Variants in TBC1D22A observed in about 807,000 individuals in gnomAD.
The protein encoded by TBC1D22A is putative GTPase activator.
Under a neutral mutation model 60.2 loss-of-function variants are expected in TBC1D22A, and 38 were observed. The observed-to-expected ratio is 0.63, with a 90% CI of 0.49 to 0.83. TBC1D22A has a LOEUF of 0.83. Among genes scored for constraint, TBC1D22A ranks in the 40% least tolerant of loss-of-function variants. The pLI is 0.00. For missense variants in TBC1D22A, 628 were observed against 701.0 expected, an observed-to-expected ratio of 0.90 and a Z score of 1.18; for synonymous variants, 302 against 281.7, an observed-to-expected ratio of 1.07 and a Z score of -0.72.
intron 11 of TBC1D22A, among the ~76,000 whole-genome samples, chr22:47,050,386 A>G (rs1336018406): frequency 6.6e-6 from 1 of 152,262 alleles, no homozygotes; most frequent in East Asian, 1.9e-4. Context: ...AGCAGTAGAC[A>G]GAAACACCCT....
intron 1 of TBC1D22A, 127 bp downstream of exon 1, chr22:46,762,975 G>A: frequency 1.1e-6 from 1 of 881,748 alleles, no homozygotes; most frequent in Non-Finnish European, 1.6e-6. Context: ...GAGACTGCTG[G>A]ATGGTGTGAC....
intron 8 of TBC1D22A, among the ~76,000 whole-genome samples, chr22:46,924,991 C>T (rs1157009276): frequency 6.6e-6 from 1 of 152,142 alleles, no homozygotes; most frequent in Admixed American, 6.5e-5. Flanking sequence ...GCAGCATAGT[C>T]ATTCTTTTGC....
intron 1 of TBC1D22A, among the ~76,000 whole-genome samples, chr22:46,771,406 G>A (rs568776450): frequency 1.6e-4 from 24 of 152,110 alleles, no homozygotes; most frequent in African/African-American, 4.6e-4. Flanking sequence ...TTCTTTAGTG[G>A]TGATTTGTGA....
At chr22:46,774,379 C>T (rs766371365) in intron 1 of TBC1D22A, 99 of 471,842 alleles carry the variant, frequency 2.1e-4, no homozygotes, top group Middle Eastern at 2.1e-3. Flanking sequence ...TTTGAGTATC[C>T]CCAGACTTTT....
chr22:46,966,435 C>T (rs1390084359), intron 8 of TBC1D22A, among the ~76,000 whole-genome samples: 1 of 152,224 alleles, frequency 6.6e-6, no homozygotes, highest in African/African-American at 2.4e-5. Context: ...TTCTTTGTTT[C>T]GTCCTCGCTT....
At chr22:47,151,569 TC>T (rs1405820772) in intron 12 of TBC1D22A, among the ~76,000 whole-genome samples, 3 of 152,188 alleles carry the variant, frequency 2.0e-5, no homozygotes, top group African/African-American at 7.2e-5. Flanking sequence ...GTACCTGGGC[TC>T]CCTCGTGGCC....
chr22:46,974,850 C>T lies in TBC1D22A; in HGVS notation c.1125+451C>T, dbSNP rs545523219. Among the ~76,000 whole-genome samples, 8 of 152,328 alleles carry T rather than the reference C, an allele frequency of 5.3e-5. No individual in the cohort carries two copies. In the South Asian group the frequency reaches 1.0e-3, roughly 20 times the overall value. On this transcript the variant is annotated intron_variant, in intron 9 of 12. Transcript: ENST00000337137. ...TGGCCAGGGCTCCAGGTGCGTGGGG[C>T]GCTGCAGCTGTGCCTGCTCCCAGAG...
At chr22:47,050,166 G>A (rs550915197) in intron 11 of TBC1D22A, among the ~76,000 whole-genome samples, 1 of 152,334 alleles carries the variant, frequency 6.6e-6, no homozygotes, top group East Asian at 1.9e-4. Flanking sequence ...ACCACGCCTG[G>A]CTAATTTTTG....
intron 12 of TBC1D22A, among the ~76,000 whole-genome samples, chr22:47,170,778 C>T (rs2068408351): frequency 7.7e-6 from 1 of 129,118 alleles, no homozygotes; most frequent in Non-Finnish European, 1.6e-5. Flanking sequence ...GGAGAGAGGA[C>T]AGTCCTGGTG....
chr22:47,068,582 A>G (rs1361452662), intron 11 of TBC1D22A, among the ~76,000 whole-genome samples: 1 of 152,228 alleles, frequency 6.6e-6, no homozygotes, highest in East Asian at 1.9e-4. Context: ...ATATTTAAAT[A>G]CCTGTAATTT....
At chr22:46,905,219 A>G (rs746440987) in intron 7 of TBC1D22A, among the ~76,000 whole-genome samples, 27 of 152,266 alleles carry the variant, frequency 1.8e-4, no homozygotes, top group African/African-American at 6.5e-4. Context: ...TGCCATTTCA[A>G]AACACCAGCA....
chr22:47,085,040 G>A (rs1486343408), intron 11 of TBC1D22A, among the ~76,000 whole-genome samples: 2 of 152,216 alleles, frequency 1.3e-5, no homozygotes, highest in Admixed American at 6.5e-5. Flanking sequence ...AGCACTTTGG[G>A]AGGCTAAGGC....
chr22:47,084,710 A>C (rs1221522266), intron 11 of TBC1D22A, among the ~76,000 whole-genome samples: 2 of 152,224 alleles, frequency 1.3e-5, no homozygotes, highest in Non-Finnish European at 2.9e-5. Context: ...AAGTAATGTG[A>C]ATGTATGAAA....
chr22:46,880,843 C>T (rs1160678288), intron 5 of TBC1D22A, among the ~76,000 whole-genome samples: 1 of 152,110 alleles, frequency 6.6e-6, no homozygotes, highest in Non-Finnish European at 1.5e-5. Context: ...GTTCTTGGCC[C>T]TCTCAGGGCT....
At position 47,046,450 on chromosome 22, in the gene TBC1D22A, G is replaced by GGGGAGCGCCCA. The variant is rs2063036196; in HGVS notation, c.1329+9257_1329+9267dup. Among the ~76,000 whole-genome samples the GGGGAGCGCCCA allele has an allele frequency of 3.3e-5, 5 of 152,294 alleles. No homozygotes were observed. In the South Asian group the frequency reaches 1.0e-3, roughly 32 times the overall value. ...TAGCGACTGGTTGGGATTTGTGCTG[G>GGGGAGCGCCCA]GGGAGCGCCCAGGGACACCCTTTGA... On this transcript the variant is annotated intron_variant, in intron 11 of 12. Coordinates refer to ENST00000337137, the MANE Select transcript of TBC1D22A (RefSeq NM_014346.5).
chr22:47,109,540 T>C (rs957288414), intron 11 of TBC1D22A, among the ~76,000 whole-genome samples: 3 of 152,150 alleles, frequency 2.0e-5, no homozygotes, highest in African/African-American at 7.2e-5. Context: ...CACTAGCCAC[T>C]CTCTGGGCTT....
chr22:46,938,443 T>A (rs933388240), intron 8 of TBC1D22A, among the ~76,000 whole-genome samples: 3 of 152,192 alleles, frequency 2.0e-5, no homozygotes, highest in African/African-American at 7.2e-5. Context: ...AGACGAGTGA[T>A]GCATTTCTCA....
chr22:46,895,312 A>C (rs1837656697), intron 7 of TBC1D22A, among the ~76,000 whole-genome samples: 1 of 151,738 alleles, frequency 6.6e-6, no homozygotes, highest in Non-Finnish European at 1.5e-5. Flanking sequence ...GTATTCATTT[A>C]ATTTGGGTCT....
chr22:46,907,559 G>T (rs1405167762), intron 7 of TBC1D22A, among the ~76,000 whole-genome samples: 1 of 152,230 alleles, frequency 6.6e-6, no homozygotes, highest in Admixed American at 6.5e-5. Context: ...CACATGCAGG[G>T]CATCAGGGAG....
Sources: gnomAD v4.1 joint callset for allele counts (sites outside exome capture counted in the v4.1 genomes callset) on GRCh38, gnomAD v4.1.1 for gene constraint, MANE v1.5 for transcripts, NCBI Gene and HGNC (gene_info 2026-07-23, HGNC 2026-07-21) for gene names.